Variants in PIGU observed in about 807,000 individuals in gnomAD.
The protein encoded by PIGU is GPI-anchor transamidase component PIGU.
Under a neutral mutation model 49.9 loss-of-function variants are expected in PIGU, and 24 were observed. The ratio of observed to expected loss-of-function variants is 0.48; its 90% CI spans 0.35 to 0.68. PIGU has a LOEUF of 0.68. Ranked by LOEUF, PIGU falls within the 30% of genes least tolerant of loss-of-function variation. The pLI, the probability that PIGU is intolerant of heterozygous loss-of-function variation, is 0.01. For missense variants in PIGU, 490 were observed against 532.6 expected (o/e 0.92, Z 0.79); for synonymous variants, 220 against 205.7 (o/e 1.07, Z -0.59).
chr20:34,633,359 G>A (rs559109769), intron 6 of PIGU, among the ~76,000 whole-genome samples: 1 of 152,206 alleles, frequency 6.6e-6, no homozygotes, highest in South Asian at 2.1e-4. Flanking sequence ...AGCTACTTAG[G>A]AGGCTGAAGT....
chr20:34,668,485 G>GAAAAAAAAAAAAAA, intron 1 of PIGU, among the ~76,000 whole-genome samples: 1 of 98,798 alleles, frequency 1.0e-5, no homozygotes, highest in South Asian at 2.8e-4. Flanking sequence ...AAAAAAAAAG[G>GAAAAAAAAAAAAAA]GGGGGGCGGG....
At chr20:34,626,143 T>A (rs564660522) in intron 6 of PIGU, among the ~76,000 whole-genome samples, 1 of 152,000 alleles carries the variant, frequency 6.6e-6, no homozygotes, top group Admixed American at 6.5e-5. Flanking sequence ...TAAATAATTC[T>A]GCGATTAATA....
intron 6 of PIGU, among the ~76,000 whole-genome samples, chr20:34,617,648 G>A (rs1468949479): frequency 6.6e-6 from 1 of 152,168 alleles, no homozygotes; most frequent in Non-Finnish European, 1.5e-5. Context: ...GAGACTTTGG[G>A]CTGTGCACTT....
chr20:34,574,457 G>A (rs1283442628), intron 11 of PIGU, among the ~76,000 whole-genome samples: 1 of 152,152 alleles, frequency 6.6e-6, no homozygotes, highest in East Asian at 1.9e-4. Flanking sequence ...TGAGAATCCT[G>A]CTCTGTGGAA....
chr20:34,657,357 T>A, intron 1 of PIGU, 113 bp from the exon 2 acceptor site: 1 of 707,328 alleles, frequency 1.4e-6, no homozygotes, highest in Non-Finnish European at 2.5e-6. Flanking sequence ...CCCCTTTACC[T>A]CATCCCCAGC....
At chr20:34,592,971 TATA>T (rs1477284870) in intron 7 of PIGU, among the ~76,000 whole-genome samples, 3 of 152,160 alleles carry the variant, frequency 2.0e-5, no homozygotes, top group Non-Finnish European at 4.4e-5. Context: ...AAAAGGTATT[TATA>T]ATATTATAGT....
At chr20:34,628,408 CTAAA>C (rs1467427294) in intron 6 of PIGU, among the ~76,000 whole-genome samples, 5 of 152,022 alleles carry the variant, frequency 3.3e-5, no homozygotes, top group Non-Finnish European at 7.4e-5. Flanking sequence ...AAGAAAATAA[CTAAA>C]TATGAGTGCA....
chr20:34,620,823 A>C lies in PIGU; in HGVS notation c.530-4684T>G, dbSNP rs191502091. 3.2e-3 allele frequency among the ~76,000 whole-genome samples: 441 copies of C among 138,938 alleles called. 3 individuals are homozygous for C. The highest frequency in any genetic ancestry group is 0.01 in the African/African-American group (414 of 40,202). 91.1% of individuals were successfully genotyped at this position (138,938 alleles called of 152,430 possible). On this transcript the variant is annotated intron_variant, in intron 6 of 11. Transcript: ENST00000217446. ...CTAAAAAAAAACAAAAAAAAAACAA[A>C]AAAAAAAAAACAAAAAAAACAGTTC...
chr20:34,592,330 AT>A (rs1984023300), intron 7 of PIGU, among the ~76,000 whole-genome samples: 1 of 151,912 alleles, frequency 6.6e-6, no homozygotes, highest in Non-Finnish European at 1.5e-5. Flanking sequence ...AAAGAACAGA[AT>A]TTGTTAAAAC....
At chr20:34,658,605 G>A (rs928208580) in intron 1 of PIGU, among the ~76,000 whole-genome samples, 7 of 149,420 alleles carry the variant, frequency 4.7e-5, no homozygotes, top group African/African-American at 7.5e-5. Context: ...CTGCCCCACC[G>A]CCCCGTCTGG....
intron 2 of PIGU, among the ~76,000 whole-genome samples, chr20:34,648,183 T>C (rs190633832): frequency 8.4e-4 from 127 of 150,330 alleles, no homozygotes; most frequent in Non-Finnish European, 1.4e-3. Flanking sequence ...CCCAGGGAGA[T>C]TGAGGCTGCA....
At chr20:34,675,519 A>G (rs950533091) in intron 1 of PIGU, among the ~76,000 whole-genome samples, 1 of 152,196 alleles carries the variant, frequency 6.6e-6, no homozygotes, top group Non-Finnish European at 1.5e-5. Flanking sequence ...CAACTAGGAA[A>G]CCTGGGCAAA....
At chr20:34,651,605 G>A (rs1330753095) in intron 2 of PIGU, among the ~76,000 whole-genome samples, 5 of 151,754 alleles carry the variant, frequency 3.3e-5, no homozygotes, top group Non-Finnish European at 7.4e-5. Context: ...CTGCAAGCCC[G>A]TTCACCAATC....
intron 4 of PIGU, chr20:34,643,763 A>G (rs535402597): frequency 6.6e-6 from 1 of 152,578 alleles, no homozygotes. Flanking sequence ...TCAGATAGGC[A>G]TAACAGTGAC....
chr20:34,631,521 G>A (rs1437501315), intron 6 of PIGU, among the ~76,000 whole-genome samples: 2 of 149,006 alleles, frequency 1.3e-5, no homozygotes, highest in African/African-American at 4.9e-5. Flanking sequence ...ATTTCAAAAC[G>A]CTCAGGATAA....
chr20:34,614,625 C>CAAAAAA (rs11477079), intron 7 of PIGU, among the ~76,000 whole-genome samples: 1 of 113,944 alleles, frequency 8.8e-6, no homozygotes, highest in Non-Finnish European at 1.9e-5. Context: ...GACCTGCTCT[C>CAAAAAA]AAAAAAAAAA....
chr20:34,674,235 A>ATT (rs1987415473), intron 1 of PIGU, among the ~76,000 whole-genome samples: 1 of 150,582 alleles, frequency 6.6e-6, no homozygotes, highest in Admixed American at 6.6e-5. Context: ...GGCACCTGTA[A>ATT]TCCCAGCTAC....
At chr20:34,615,522 C>T (rs771424478) in intron 7 of PIGU, among the ~76,000 whole-genome samples, 6 of 152,150 alleles carry the variant, frequency 3.9e-5, no homozygotes, top group African/African-American at 7.2e-5. Context: ...GTAGTGCCCC[C>T]CTTATCTGAG....
At chr20:34,631,884 G>T (rs2146757858) in intron 6 of PIGU, among the ~76,000 whole-genome samples, 1 of 142,124 alleles carries the variant, frequency 7.0e-6, no homozygotes, top group Non-Finnish European at 1.5e-5. Context: ...CTGTTGCCCA[G>T]GCTACAGTGC....
Sources: allele counts gnomAD v4.1 joint callset (sites outside exome capture counted in the v4.1 genomes callset), GRCh38; gene constraint gnomAD v4.1.1; transcripts MANE v1.5; gene names NCBI Gene and HGNC (gene_info 2026-07-23, HGNC 2026-07-21).